Variants in EI24 observed in about 807,000 individuals in gnomAD.
EI24 encodes etoposide-induced protein 2.4 homolog.
A neutral mutation model predicts 48.6 loss-of-function variants in EI24; 21 were observed. The observed-to-expected ratio is 0.43, with a 90% CI of 0.31 to 0.62. The LOEUF (loss-of-function observed/expected upper bound fraction) is 0.62. Among genes scored for constraint, EI24 ranks in the 20% least tolerant of loss-of-function variants. The pLI is 0.10. For missense variants in EI24, 280 were observed against 410.5 expected (o/e 0.68, Z 2.75); for synonymous variants, 114 against 145.5 (o/e 0.78, Z 1.56).
rs1448937866 is a variant in EI24 at position 125,572,387 on chromosome 11, G to A, written c.-70-71G>A. Reference sequence around the variant, plus strand: ...AGCTACAAGTATGTGAGGTCATCATGTGGAAATGTGCATGAAGTAACTTAT... The same window carrying A: ...AGCTACAAGTATGTGAGGTCATCATATGGAAATGTGCATGAAGTAACTTAT... On this transcript the variant is annotated intron_variant, in intron 1 of 10. Transcript: ENST00000278903. 6.8e-6 allele frequency: 5 copies of A among 740,542 alleles called. No individual in the cohort carries two copies. In the East Asian group the frequency reaches 1.3e-4, roughly 20 times the overall value. 45.9% of individuals were successfully genotyped at this position (740,542 alleles called of 1,614,324 possible).
rs1260752303 is a variant in EI24 at position 125,583,607 on chromosome 11, G to A, written c.947G>A (p.Ser316Asn). The change falls in exon 11 of 11, where the codon AGC (serine) becomes AAC (asparagine). Residue 316 changes from serine to asparagine, a missense_variant. Physicochemically the swap from Ser to Asn is conservative, Grantham distance 46. This residue lies in a region of EI24 where 62 missense variants were observed against 65.1 expected (regional missense o/e 0.95). Coordinates refer to ENST00000278903, the MANE Select transcript of EI24 (RefSeq NM_004879.5). ...HKTVYLQSAL[S>N]SSTSAEKFPS... ...ACAGTCTACCTGCAGTCGGCCCTGA[G>A]CAGCTCTACTTCTGCAGAGAAGTTC... is the stretch of plus-strand genomic sequence containing the variant. 6.2e-7 allele frequency: 1 copy of A among 1,613,270 alleles called. No homozygotes were observed. The highest frequency in any genetic ancestry group is 8.5e-7 in the Non-Finnish European group (1 of 1,179,776).
In EI24 at chr11:125,583,579, A is replaced by G; in HGVS notation, c.919A>G (p.Lys307Glu). Residue 307 changes from lysine to glutamate, a missense_variant, in exon 11 of 11, where the codon AAG (lysine) becomes GAG (glutamate). Lys to Glu is a moderately conservative substitution (Grantham distance 56). Around this residue, in one of 3 missense-constraint regions of EI24, gnomAD observed 62 missense variants for 65.1 expected, o/e 0.95. Transcript: ENST00000278903. Reference protein sequence around the residue: ...VVFLSNRLFHKTVYLQSALSS... With the variant: ...VVFLSNRLFHETVYLQSALSS... The stretch of plus-strand genomic sequence containing the variant: ...CTTCTTAAGCAACAGACTCTTCCAC[A>G]AGACAGTCTACCTGCAGTCGGCCCT... 6.2e-7 allele frequency: 1 copy of G among 1,612,310 alleles called. No homozygotes were observed. Among genetic ancestry groups the G allele is most frequent in the South Asian group, 1.1e-5 (1 of 90,904 alleles).
At chr11:125,572,625 A>C in intron 2 of EI24, 56 bp downstream of exon 2, 1 of 1,508,898 alleles carries the variant, frequency 6.6e-7, no homozygotes, top group Non-Finnish European at 9.2e-7. Flanking sequence ...TTTTTGCTGA[A>C]GGAACCATCT....
At position 125,582,431 on chromosome 11, in the gene EI24, G is replaced by A. The variant is rs762483784; in HGVS notation, c.860+11G>A. 13 of 1,583,586 alleles carry A rather than the reference G, an allele frequency of 8.2e-6. No homozygotes were observed. The highest frequency in any genetic ancestry group is 1.1e-5 in the Non-Finnish European group (13 of 1,166,310). On this transcript the variant is annotated intron_variant, in intron 10 of 10. Coordinates refer to ENST00000278903, the MANE Select transcript of EI24 (RefSeq NM_004879.5). Reference sequence around the variant, plus strand: ...CCCTGGCAAAGCATAGTAAGTATTAGCCAGTGATGAAATTTTTGCTGTGTA... The same window carrying A: ...CCCTGGCAAAGCATAGTAAGTATTAACCAGTGATGAAATTTTTGCTGTGTA...
rs368161455 is a variant in EI24, at chr11:125,575,418, G to A, written c.188+10G>A. The A allele has an allele frequency of 2.6e-6, 4 of 1,564,408 alleles. No homozygotes were observed. The highest frequency in any genetic ancestry group is 3.5e-6 in the Non-Finnish European group (4 of 1,148,364). ...AGCGGAAGCAAGAGAGGTAAGGAGT[G>A]CATGCCTGATATCAAAATGTCCAAG... On this transcript the variant is annotated intron_variant, in intron 3 of 10. Coordinates refer to ENST00000278903, the MANE Select transcript of EI24 (RefSeq NM_004879.5).
chr11:125,581,397 C>T (rs1054501149), intron 9 of EI24, 75 bp downstream of exon 9: 36 of 883,712 alleles, frequency 4.1e-5, no homozygotes, highest in Admixed American at 1.1e-4. Flanking sequence ...TTGTTTGCTT[C>T]GTTCTGTTTC....
chr11:125,577,583 C>T lies in EI24; in HGVS notation c.316+13C>T, dbSNP rs1303674479. 6.2e-7 allele frequency: 1 copy of T among 1,608,494 alleles called. No homozygotes were observed. Among genetic ancestry groups the T allele is most frequent in the Admixed American group, 1.7e-5 (1 of 59,366 alleles). ...GCCCGAATTATCGGTAAGTGTATACCCTGCTCCTTGTCTGTTGGGGACAGA... is the reference window on the plus strand; with the variant it reads ...GCCCGAATTATCGGTAAGTGTATACTCTGCTCCTTGTCTGTTGGGGACAGA... On this transcript the variant is annotated intron_variant, in intron 5 of 10. Coordinates refer to ENST00000278903, the MANE Select transcript of EI24 (RefSeq NM_004879.5).
chr11:125,569,491 G>A lies in EI24; in HGVS notation c.-153G>A. On this transcript the variant is annotated 5_prime_UTR_variant, in exon 1 of 11. Transcript: ENST00000278903. The stretch of plus-strand genomic sequence containing the variant: ...CGGGCATGCCCAGTGCGGGCGCAGC[G>A]GCCCCGGCCCTGGAAGCGCCCCGGC... The A allele has an allele frequency of 2.6e-6, 1 of 384,072 alleles. No homozygotes were observed. The highest frequency in any genetic ancestry group is 3.7e-5 in the East Asian group (1 of 26,894). 23.8% of individuals were successfully genotyped at this position (384,072 alleles called of 1,614,324 possible).
At chr11:125,582,796 A>G (rs972385931) in intron 10 of EI24, among the ~76,000 whole-genome samples, 1 of 152,130 alleles carries the variant, frequency 6.6e-6, no homozygotes, top group Non-Finnish European at 1.5e-5. Flanking sequence ...AATTTTGGTT[A>G]AGTCAGTGTG....
chr11:125,580,171 C>T lies in EI24; in HGVS notation c.640C>T (p.Leu214=). 2 of 1,613,562 alleles carry T rather than the reference C, an allele frequency of 1.2e-6. No individual in the cohort carries two copies. The highest frequency in any genetic ancestry group is 1.1e-5 in the South Asian group (1 of 91,078). ...SLLHMSLLYS[L]YCFEYRWFNK... ...CCTGCATATGTCCCTTCTCTACTCA[C>T]TGTACTGCTTTGAATATCGTTGGTT... The change falls in exon 8 of 11, where the codon CTG becomes TTG. Residue 214 remains leucine (L), a synonymous_variant. Coordinates refer to ENST00000278903, the MANE Select transcript of EI24 (RefSeq NM_004879.5).
chr11:125,583,841 T>C lies in EI24; in HGVS notation c.*158T>C. The C allele has an allele frequency of 2.1e-6, 2 of 966,722 alleles. No individual in the cohort carries two copies. Among genetic ancestry groups the C allele is most frequent in the Middle Eastern group, 5.9e-4 (2 of 3,368 alleles). The allele number at this position is 966,722 out of a possible 1,614,324, so 59.9% of individuals were successfully genotyped here. A position where few individuals can be genotyped will look rare whatever the true frequency, so the allele number is the denominator to read the frequency against. On this transcript the variant is annotated 3_prime_UTR_variant, in exon 11 of 11. Coordinates refer to ENST00000278903, the MANE Select transcript of EI24 (RefSeq NM_004879.5). The stretch of plus-strand genomic sequence containing the variant: ...GAGGAATTGAAATTTTTGTCTCTGG[T>C]GCACGTAAGGCAGAATGTTCCCTGA...
chr11:125,576,217 T>G, intron 3 of EI24, 38 bp from the exon 4 acceptor site: 1 of 1,589,786 alleles, frequency 6.3e-7, no homozygotes. Context: ...AGGAAATAAC[T>G]TATGCTTTAT....
intron 10 of EI24, 81 bp from the exon 11 acceptor site, chr11:125,583,420 GTCTTTCCCTGTGTAGTTTTA>G: frequency 5.2e-6 from 5 of 956,110 alleles, no homozygotes; most frequent in Non-Finnish European, 7.6e-6. Context: ...CATTTGTCTT[GTCTTTCCCTGTGTAGTTTTA>G]AATTTAATGT....
At chr11:125,583,417 C>A in intron 10 of EI24, 104 bp from the exon 11 acceptor site, 1 of 935,530 alleles carries the variant, frequency 1.1e-6, no homozygotes, top group Non-Finnish European at 1.6e-6. Flanking sequence ...TTTCATTTGT[C>A]TTGTCTTTCC....
intron 6 of EI24, 120 bp from the exon 7 acceptor site, chr11:125,578,829 C>A: frequency 8.1e-7 from 1 of 1,239,700 alleles, no homozygotes; most frequent in Non-Finnish European, 1.1e-6. Context: ...TCGTGCCCAG[C>A]TTATTTTTAA....
At chr11:125,574,327 T>C (rs1426526865) in intron 2 of EI24, among the ~76,000 whole-genome samples, 1 of 152,282 alleles carries the variant, frequency 6.6e-6, no homozygotes, top group East Asian at 1.9e-4. Context: ...CACTGGACTG[T>C]AGATGTCTTA....
At chr11:125,570,717 A>T (rs1938503066) in intron 1 of EI24, among the ~76,000 whole-genome samples, 1 of 152,156 alleles carries the variant, frequency 6.6e-6, no homozygotes, top group Non-Finnish European at 1.5e-5. Context: ...AGTTTTTTTC[A>T]TGCTGTTGTG....
Position 125,583,910 on chromosome 11 carries a change from C to T in EI24, c.*227C>T. 1 of 563,402 alleles carries T rather than the reference C, an allele frequency of 1.8e-6. No homozygotes were observed. The highest frequency in any genetic ancestry group is 3.1e-6 in the Non-Finnish European group (1 of 318,548). The allele number at this position is 563,402 out of a possible 1,614,324, so 34.9% of individuals were successfully genotyped here. On this transcript the variant is annotated 3_prime_UTR_variant, in exon 11 of 11. Transcript: ENST00000278903. ...TAACATCACCGTGAGTCTGAAAGGA[C>T]CACAGGTTTTTCTGCAGCTATTTTC...
chr11:125,577,041 A>G (rs549314383), intron 4 of EI24, among the ~76,000 whole-genome samples: 2 of 152,260 alleles, frequency 1.3e-5, no homozygotes, highest in East Asian at 1.9e-4. Flanking sequence ...GGGAAATAGA[A>G]ATGGATCCAG....
Sources: allele counts gnomAD v4.1 joint callset (sites outside exome capture counted in the v4.1 genomes callset), GRCh38; gene constraint gnomAD v4.1.1; regional missense constraint gnomAD v4.1.1; transcripts MANE v1.5; gene names NCBI Gene and HGNC (gene_info 2026-07-23, HGNC 2026-07-21).